Variants in SCOC observed in about 807,000 individuals in gnomAD.
The protein encoded by SCOC is short coiled-coil protein, also known as short coiled coil protein.
Under a neutral mutation model 9.9 loss-of-function variants are expected in SCOC, and 7 were observed. That is an observed-to-expected ratio of 0.71 (90% CI 0.40 to 1.33). The LOEUF (loss-of-function observed/expected upper bound fraction) is 1.33. Ranked by LOEUF, SCOC falls within the 40% of genes most tolerant of loss-of-function variation. SCOC has a pLI of 0.01. For missense variants in SCOC, 66 were observed against 89.7 expected (o/e 0.74, Z 1.07); for synonymous variants, 19 against 28.2 (o/e 0.67, Z 1.03).
chr4:140,373,307 C>T, upstream of SCOC: 1 of 1,386,620 alleles, frequency 7.2e-7, no homozygotes, highest in Non-Finnish European at 9.3e-7. Flanking sequence ...AGCCTCTTTC[C>T]TGATTTTCCA....
In SCOC at chr4:140,301,620, C is replaced by A. The variant is rs368855604; in HGVS notation, c.-18-42001C>A. On this transcript the variant is annotated intron_variant, in intron 1 of 4. Coordinates refer to the SCOC transcript ENST00000394205. ...GTGAGGTCAGGATTCTGAAAACTTT[C>A]TTCTTGTAGGATTCTTGATCAGTCT... Among the ~76,000 whole-genome samples the A allele has an allele frequency of 3.0e-4, 46 of 152,242 alleles. No homozygotes were observed. In the East Asian group the frequency reaches 8.5e-3, roughly 28 times the overall value.
intron 1 of SCOC, among the ~76,000 whole-genome samples, chr4:140,280,742 A>G (rs574864262): frequency 1.2e-3 from 182 of 152,340 alleles, no homozygotes; most frequent in Admixed American, 2.7e-3. Flanking sequence ...ATGAAAACAC[A>G]TCGGGTAGAT....
In SCOC at chr4:140,362,278, C is replaced by G. The variant is rs1160836239; in HGVS notation, c.71-16843C>G. On this transcript the variant is annotated intron_variant, in intron 2 of 4. Coordinates refer to the SCOC transcript ENST00000338517. ...CCGGCTAAAGACAGGTGTGTCCTTA[C>G]TTCTTCTTCTTCTTCTTCTTCTTTT... Among the ~76,000 whole-genome samples the G allele has an allele frequency of 8.5e-4, 9 of 10,554 alleles. No individual in the cohort carries two copies. In the East Asian group the frequency reaches 0.03, roughly 35 times the overall value. The allele number at this position is 10,554 out of a possible 152,430, so 6.9% of individuals were successfully genotyped here.
chr4:140,364,000 T>G (rs764194905), intron 2 of SCOC, among the ~76,000 whole-genome samples: 67 of 152,328 alleles, frequency 4.4e-4, no homozygotes, highest in Non-Finnish European at 8.5e-4. Context: ...GCAGCTGTGG[T>G]TGCCCACCGT....
At chr4:140,276,833 C>T (rs1419698890) in intron 1 of SCOC, among the ~76,000 whole-genome samples, 2 of 152,044 alleles carry the variant, frequency 1.3e-5, no homozygotes, top group East Asian at 1.9e-4. Flanking sequence ...GACAGTTGGT[C>T]AGCTTAGTTA....
intron 2 of SCOC, among the ~76,000 whole-genome samples, chr4:140,355,317 T>G (rs1458514820): frequency 6.6e-6 from 1 of 150,680 alleles, no homozygotes; most frequent in Non-Finnish European, 1.5e-5. Context: ...TGCATAATGA[T>G]AATAAGCATT....
chr4:140,287,871 G>A (rs895254069), intron 1 of SCOC, among the ~76,000 whole-genome samples: 1 of 151,870 alleles, frequency 6.6e-6, no homozygotes, highest in Non-Finnish European at 1.5e-5. Context: ...ACAGACATAT[G>A]CATGCACACA....
At chr4:140,313,456 T>C (rs1056274338) in intron 1 of SCOC, among the ~76,000 whole-genome samples, 6 of 152,194 alleles carry the variant, frequency 3.9e-5, no homozygotes, top group Admixed American at 1.3e-4. Context: ...TTCATCACAT[T>C]GGTCAGGCTG....
chr4:140,373,505 A>G (rs1465656081), upstream of SCOC: 3 of 1,551,482 alleles, frequency 1.9e-6, no homozygotes, highest in Admixed American at 2.0e-5. Flanking sequence ...CGGTGCTTTG[A>G]GATTGGACGA....
At chr4:140,301,658 A>G (rs1297701301) in intron 1 of SCOC, among the ~76,000 whole-genome samples, 3 of 152,134 alleles carry the variant, frequency 2.0e-5, no homozygotes, top group Admixed American at 6.5e-5. Flanking sequence ...CCTGGCTTAG[A>G]AAATCAGACG....
intron 1 of SCOC, among the ~76,000 whole-genome samples, chr4:140,295,756 C>T (rs988169730): frequency 2.0e-5 from 3 of 151,396 alleles, no homozygotes; most frequent in African/African-American, 4.9e-5. Flanking sequence ...GATGAAACCC[C>T]GTCTCTACTA....
chr4:140,359,869 A>T (rs1426234440), intron 2 of SCOC, among the ~76,000 whole-genome samples: 1 of 152,198 alleles, frequency 6.6e-6, no homozygotes, highest in Middle Eastern at 3.2e-3. Flanking sequence ...AGGACAGCAT[A>T]CATGCTCTTC....
chr4:140,290,462 A>G (rs1731439260), intron 1 of SCOC, among the ~76,000 whole-genome samples: 1 of 152,090 alleles, frequency 6.6e-6, no homozygotes, highest in East Asian at 1.9e-4. Flanking sequence ...ACTCATTTCC[A>G]TCTTACAATA....
chr4:140,366,968 G>A (rs1245507559), intron 2 of SCOC: 2 of 466,228 alleles, frequency 4.3e-6, no homozygotes, highest in Non-Finnish European at 7.9e-6. Flanking sequence ...CACTTTGGGA[G>A]GCCCAGGTGG....
upstream of SCOC, chr4:140,373,583 G>T (rs1310565676): frequency 6.4e-7 from 1 of 1,551,742 alleles, no homozygotes; most frequent in Admixed American, 2.0e-5. Context: ...GCGAGCGGCT[G>T]GGACGGGATG....
intron 1 of SCOC, among the ~76,000 whole-genome samples, chr4:140,276,152 G>A (rs368809946): frequency 1.3e-5 from 2 of 151,990 alleles, no homozygotes; most frequent in South Asian, 2.1e-4. Context: ...ACAGGTGCCC[G>A]CCACCACGCC....
upstream of SCOC, among the ~76,000 whole-genome samples, chr4:140,369,856 G>A (rs1400306063): frequency 9.7e-6 from 1 of 103,618 alleles, no homozygotes; most frequent in African/African-American, 3.5e-5. Flanking sequence ...TCAGAAGGGG[G>A]ATTTTTTTTT....
At chr4:140,330,200 G>A (rs1264665324) in intron 1 of SCOC, among the ~76,000 whole-genome samples, 1 of 152,104 alleles carries the variant, frequency 6.6e-6, no homozygotes, top group Non-Finnish European at 1.5e-5. Flanking sequence ...ACTCAGGAGT[G>A]GAAAAACAAA....
intron 3 of SCOC, 41 bp from the exon 4 acceptor site, chr4:140,380,921 C>G (rs562345717): frequency 7.3e-7 from 1 of 1,374,608 alleles, no homozygotes; most frequent in African/African-American, 1.5e-5. Flanking sequence ...GAATCATTGT[C>G]ATTGTTTTAT....
Sources: gnomAD v4.1 joint callset for allele counts (sites outside exome capture counted in the v4.1 genomes callset) on GRCh38, gnomAD v4.1.1 for gene constraint, MANE v1.5 for transcripts, NCBI Gene and HGNC (gene_info 2026-07-23, HGNC 2026-07-21) for gene names.